Variants in SH3KBP1 observed in about 807,000 individuals in gnomAD.
The protein encoded by SH3KBP1 is SH3 domain containing kinase binding protein 1, also known as SH3 domain-containing kinase-binding protein 1.
Under a neutral mutation model 50.1 loss-of-function variants are expected in SH3KBP1, and 8 were observed. The ratio of observed to expected loss-of-function variants is 0.16; its 90% CI spans 0.09 to 0.29. SH3KBP1 has a LOEUF of 0.29. SH3KBP1 is among the 10% of genes least tolerant of loss of function. SH3KBP1 has a pLI of 1.00. For missense variants in SH3KBP1, 377 were observed against 535.2 expected, an observed-to-expected ratio of 0.70 and a Z score of 2.92; for synonymous variants, 227 against 218.6, an observed-to-expected ratio of 1.04 and a Z score of -0.34.
chrX:19,793,317 T>A (rs759804567), intron 2 of SH3KBP1, among the ~76,000 whole-genome samples: 4,095 of 99,912 alleles, frequency 0.041, 170 homozygotes, highest in African/African-American at 0.12. Context: ...AAAAAAAATA[T>A]ATATATATAT....
chrX:19,722,587 T>TGCGCACTG (rs2064099451), intron 3 of SH3KBP1, among the ~76,000 whole-genome samples: 1 of 105,811 alleles, frequency 9.5e-6, no homozygotes, highest in African/African-American at 3.5e-5. Context: ...TGTGTGTGTG[T>TGCGCACTG]GTGTGTGTGT....
rs1250077971 is a variant in SH3KBP1 at position 19,887,322 on chromosome X, C to A, written c.-12G>T. The A allele has an allele frequency of 8.2e-6, 8 of 975,050 alleles. No individual in the cohort carries two copies. The highest frequency in any genetic ancestry group is 1.0e-5 in the Non-Finnish European group (8 of 775,471). 80.4% of individuals were successfully genotyped at this position (975,050 alleles called of 1,213,427 possible). On this transcript the variant is annotated 5_prime_UTR_variant, in exon 1 of 18. Transcript: ENST00000397821. ...CCCCACTCACCCATTGGCGTCGAGCCGGGCCGGGCCGCCGAGGCAGCGTGA... is the reference window on the plus strand; with the variant it reads ...CCCCACTCACCCATTGGCGTCGAGCAGGGCCGGGCCGCCGAGGCAGCGTGA...
intron 2 of SH3KBP1, among the ~76,000 whole-genome samples, chrX:19,760,311 C>T (rs113004318): frequency 0.015 from 1,646 of 109,425 alleles, 14 homozygotes; most frequent in South Asian, 0.051. Flanking sequence ...GGCATGAACA[C>T]GGGAGACAGA....
At chrX:19,684,290 A>G (rs943449419) in intron 5 of SH3KBP1, among the ~76,000 whole-genome samples, 3 of 111,836 alleles carry the variant, frequency 2.7e-5, no homozygotes, top group Non-Finnish European at 5.6e-5. Context: ...ATCTTTGTAC[A>G]TGTGAAATTC....
rs779397503 is a variant in SH3KBP1, at chrX:19,617,104, T to C, written c.898-9059A>G. On this transcript the variant is annotated intron_variant, in intron 8 of 17. Coordinates refer to ENST00000397821, the MANE Select transcript of SH3KBP1 (RefSeq NM_031892.3). ...CCTGAATTACAGCTTGTTTCCTCTA[T>C]CCAATAAATGAGTCTGCTACTCTTT... 6.2e-5 allele frequency among the ~76,000 whole-genome samples: 7 copies of C among 112,532 alleles called. No individual in the cohort carries two copies. In the South Asian group the frequency reaches 2.2e-3, roughly 35 times the overall value.
intron 1 of SH3KBP1, among the ~76,000 whole-genome samples, chrX:19,855,866 AT>A (rs767241625): frequency 0.029 from 3,220 of 109,629 alleles, 124 homozygotes; most frequent in African/African-American, 0.1. Context: ...GCCAGAAAGG[AT>A]TTTTTTTTTA....
chrX:19,543,913 G>C (rs927839555), intron 15 of SH3KBP1, among the ~76,000 whole-genome samples: 2 of 111,335 alleles, frequency 1.8e-5, no homozygotes, highest in African/African-American at 6.5e-5. Context: ...GTGGCGAGGA[G>C]GGAAAAGAGT....
Position 19,887,422 on chromosome X carries a change from G to T in SH3KBP1, c.-112C>A. The T allele has an allele frequency of 1.6e-6, 1 of 644,718 alleles. No individual in the cohort carries two copies. Among genetic ancestry groups the T allele is most frequent in the Non-Finnish European group, 2.0e-6 (1 of 494,483 alleles). 53.1% of individuals were successfully genotyped at this position (644,718 alleles called of 1,213,427 possible). ...GGGATCCAGGCGCGAGGGTCCGGAC[G>T]CGGCGGCGGCTGGGCCGGCTTCTTC... is the stretch of plus-strand genomic sequence containing the variant. On this transcript the variant is annotated 5_prime_UTR_variant, in exon 1 of 18. Transcript: ENST00000397821.
chrX:19,645,800 T>A (rs1195553650), intron 6 of SH3KBP1, among the ~76,000 whole-genome samples: 3 of 112,143 alleles, frequency 2.7e-5, no homozygotes, highest in Non-Finnish European at 5.6e-5. Context: ...TATGAGAAGC[T>A]GACTCAGTCT....
chrX:19,796,043 C>T (rs895791159), intron 2 of SH3KBP1, among the ~76,000 whole-genome samples: 14 of 111,824 alleles, frequency 1.3e-4, no homozygotes, highest in Non-Finnish European at 7.5e-5. Flanking sequence ...TCCTGACAAG[C>T]ATCTGTTGAA....
At chrX:19,600,095 C>CAAA (rs1218369399) in intron 9 of SH3KBP1, among the ~76,000 whole-genome samples, 59 of 27,262 alleles carry the variant, frequency 2.2e-3, no homozygotes, top group African/African-American at 4.0e-3. Context: ...GACTCCGTCT[C>CAAA]AAAAAAAAAA....
intron 3 of SH3KBP1, among the ~76,000 whole-genome samples, chrX:19,741,908 A>G (rs2064779522): frequency 9.0e-6 from 1 of 111,405 alleles, no homozygotes; most frequent in South Asian, 3.8e-4. Flanking sequence ...AATTCCAGGC[A>G]ACAGGAGAGG....
Position 19,836,186 on chromosome X carries a change from C to T in SH3KBP1, c.101G>A (p.Gly34Glu). Reference protein sequence around the residue: ...EIITNIRKEDGGWWEGQINGR... With the variant: ...EIITNIRKEDEGWWEGQINGR... ...GTTGATCTGTCCCTCCCACCAGCCT[C>T]CATCCTCCTTCCTGATGTTGGTGAT... Residue 34 changes from glycine (G) to glutamate (E), a missense_variant, in exon 2 of 18, where the codon GGA (glycine) becomes GAA (glutamate). Coordinates refer to ENST00000397821, the MANE Select transcript of SH3KBP1 (RefSeq NM_031892.3). 8.3e-7 allele frequency: 1 copy of T among 1,211,085 alleles called. No individual in the cohort carries two copies. The highest frequency in any genetic ancestry group is 1.8e-5 in the South Asian group (1 of 56,973).
chrX:19,592,149 T>C lies in SH3KBP1; in HGVS notation c.1058-2A>G. ...TTTCATGTTTTCTCTCAGTGGTGCC[T>C]AGGAGGGAAAGGGTAATAGTGATCA... On this transcript the variant is annotated splice_acceptor_variant, in intron 10 of 17. Transcript: ENST00000397821. LOFTEE classifies it high-confidence loss of function. 1.7e-6 allele frequency: 2 copies of C among 1,182,960 alleles called. No homozygotes were observed. Among genetic ancestry groups the C allele is most frequent in the Non-Finnish European group, 2.3e-6 (2 of 872,115 alleles).
chrX:19,720,417 T>C (rs780947785), intron 3 of SH3KBP1, among the ~76,000 whole-genome samples: 3 of 111,645 alleles, frequency 2.7e-5, no homozygotes, highest in African/African-American at 9.8e-5. Context: ...GCACACTGCT[T>C]TTCCCTGCAA....
intron 6 of SH3KBP1, among the ~76,000 whole-genome samples, chrX:19,649,540 C>T (rs975168270): frequency 8.9e-6 from 1 of 111,821 alleles, no homozygotes; most frequent in Non-Finnish European, 1.9e-5. Context: ...TTTCTTGCCA[C>T]ATACCTATCT....
chrX:19,654,779 G>A (rs1200821770), intron 6 of SH3KBP1, among the ~76,000 whole-genome samples: 2 of 111,979 alleles, frequency 1.8e-5, no homozygotes, highest in Admixed American at 1.9e-4. Context: ...GTGGGTAAGG[G>A]AGAGAGAAAG....
chrX:19,734,817 T>A lies in SH3KBP1; in HGVS notation c.286+11501A>T, dbSNP rs1473070764. On this transcript the variant is annotated intron_variant, in intron 3 of 17. Transcript: ENST00000397821. ...TGTGACTGGCTTCTTTCACTTAGCA[T>A]AATGTTTTCAAGGTTCATCCATATA... Among the ~76,000 whole-genome samples the A allele has an allele frequency of 1.2e-4, 13 of 112,309 alleles. 1 individual carries two copies. In the East Asian group the frequency reaches 3.6e-3, roughly 31 times the overall value.
intron 1 of SH3KBP1, among the ~76,000 whole-genome samples, chrX:19,886,413 C>T: frequency 8.9e-6 from 1 of 112,240 alleles, no homozygotes; most frequent in Admixed American, 9.4e-5. Context: ...AAGAACATTA[C>T]CTGGGTAGAC....
Sources: allele counts gnomAD v4.1 joint callset (sites outside exome capture counted in the v4.1 genomes callset), GRCh38; gene constraint gnomAD v4.1.1; transcripts MANE v1.5; gene names NCBI Gene and HGNC (gene_info 2026-07-23, HGNC 2026-07-21).